The following AGAP1 variants were observed in gnomAD, a reference collection of about 807,000 sequenced individuals.
AGAP1 encodes arf-GAP with GTPase, ANK repeat and PH domain-containing protein 1.
AGAP1 carries 29 observed loss-of-function variants against 105.3 expected under a neutral mutation model. That is an observed-to-expected ratio of 0.28 (90% CI 0.21 to 0.38). AGAP1 has a LOEUF of 0.38. Ranked by LOEUF, AGAP1 falls within the 10% of genes least tolerant of loss-of-function variation. The probability of loss-of-function intolerance (pLI) is 1.00; values close to 1 mark genes in which losing one functional copy is unlikely to be tolerated. For missense variants in AGAP1, 998 were observed against 1,165.1 expected (o/e 0.86, Z 2.09); for synonymous variants, 509 against 485.9 (o/e 1.05, Z -0.63).
chr2:236,063,632 C>T (rs952588967), intron 16 of AGAP1, among the ~76,000 whole-genome samples: 2 of 152,206 alleles, frequency 1.3e-5, no homozygotes, highest in African/African-American at 4.8e-5. Flanking sequence ...GCTGGCCACC[C>T]AGTGTAGCAG....
intron 1 of AGAP1, among the ~76,000 whole-genome samples, chr2:235,501,781 G>T (rs1396160961): frequency 1.3e-5 from 2 of 151,552 alleles, no homozygotes; most frequent in African/African-American, 2.4e-5. Context: ...CCCCCTCCCC[G>T]CCCCCATCCC....
chr2:236,004,342 T>C (rs1559182380), intron 13 of AGAP1, among the ~76,000 whole-genome samples: 1 of 152,228 alleles, frequency 6.6e-6, no homozygotes, highest in Non-Finnish European at 1.5e-5. Flanking sequence ...TTTAGTGTGC[T>C]GATTAGAAAC....
At chr2:235,768,189 T>G (rs966122208) in intron 6 of AGAP1, among the ~76,000 whole-genome samples, 1 of 152,244 alleles carries the variant, frequency 6.6e-6, no homozygotes, top group Non-Finnish European at 1.5e-5. Flanking sequence ...TTTATTGTTT[T>G]CACCCTTTAT....
chr2:235,538,082 C>G (rs1943299756), intron 1 of AGAP1, among the ~76,000 whole-genome samples: 1 of 152,222 alleles, frequency 6.6e-6, no homozygotes, highest in African/African-American at 2.4e-5. Flanking sequence ...AGCTTATACC[C>G]TGTTCTCCCA....
At chr2:235,955,515 A>T (rs1007179263) in intron 12 of AGAP1, among the ~76,000 whole-genome samples, 6 of 152,216 alleles carry the variant, frequency 3.9e-5, no homozygotes, top group African/African-American at 1.2e-4. Context: ...ACACAGAAGT[A>T]CTGATTTATG....
intron 2 of AGAP1, among the ~76,000 whole-genome samples, chr2:235,710,825 G>A (rs1004649296): frequency 2.6e-5 from 4 of 152,174 alleles, no homozygotes; most frequent in Admixed American, 1.3e-4. Context: ...TGCTGTGATG[G>A]GCACGGAACA....
intron 6 of AGAP1, among the ~76,000 whole-genome samples, chr2:235,791,673 A>G (rs1956985361): frequency 1.3e-5 from 2 of 151,910 alleles, no homozygotes; most frequent in Non-Finnish European, 2.9e-5. Flanking sequence ...TCAGTCTCCC[A>G]AGTAGCTGGG....
At chr2:235,762,441 G>A (rs1019475671) in intron 6 of AGAP1, among the ~76,000 whole-genome samples, 1 of 152,178 alleles carries the variant, frequency 6.6e-6, no homozygotes, top group Non-Finnish European at 1.5e-5. Flanking sequence ...CTGGAATCGG[G>A]TGAGTTTGTG....
chr2:236,020,240 C>T lies in AGAP1; in HGVS notation c.1646-16321C>T, dbSNP rs2056841042. On this transcript the variant is annotated intron_variant, in intron 13 of 17. Transcript: ENST00000304032. This position sits in a 1 kb window ranked among gnomAD's most constrained non-coding sequence, Gnocchi z 5.0. Reference sequence around the variant, plus strand: ...GTGGAACATGGCCCCTGCATTGCTCCTTGCCTAGGACCAGTAAGCCCCAGT... The same window carrying T: ...GTGGAACATGGCCCCTGCATTGCTCTTTGCCTAGGACCAGTAAGCCCCAGT... Among the ~76,000 whole-genome samples, 1 of 152,210 alleles carries T rather than the reference C, an allele frequency of 6.6e-6. No homozygotes were observed. The highest frequency in any genetic ancestry group is 1.5e-5 in the Non-Finnish European group (1 of 68,036).
At position 235,740,708 on chromosome 2, in the gene AGAP1, A is replaced by C. The variant is rs191299362; in HGVS notation, c.311-255A>C. On this transcript the variant is annotated intron_variant, in intron 3 of 17. Coordinates refer to ENST00000304032, the MANE Select transcript of AGAP1 (RefSeq NM_001037131.3). The surrounding 1 kb of genome is among the most constrained non-coding windows in gnomAD (Gnocchi z 5.7). ...AAGCCCACATGAGAAGTCCACACTAATTGGCCACGAGTGTCTGGCATTGCG... is the reference window on the plus strand; with the variant it reads ...AAGCCCACATGAGAAGTCCACACTACTTGGCCACGAGTGTCTGGCATTGCG... 2.5e-3 allele frequency among the ~76,000 whole-genome samples: 388 copies of C among 152,336 alleles called. 3 individuals are homozygous for C. The highest frequency in any genetic ancestry group is 0.02 in the East Asian group (103 of 5,178).
intron 9 of AGAP1, among the ~76,000 whole-genome samples, chr2:235,881,734 T>C (rs10168947): frequency 0.062 from 9,380 of 152,224 alleles, 941 homozygotes; most frequent in African/African-American, 0.21. Context: ...TAGAGCAAGG[T>C]TTGCTGGGAA....
intron 1 of AGAP1, among the ~76,000 whole-genome samples, chr2:235,699,753 G>A (rs1183225301): frequency 1.3e-5 from 2 of 152,224 alleles, no homozygotes; most frequent in African/African-American, 2.4e-5. Context: ...CGGGCTCCAG[G>A]AGAACCAGCA....
intron 1 of AGAP1, among the ~76,000 whole-genome samples, chr2:235,502,765 A>G (rs905861282): frequency 1.3e-5 from 2 of 148,744 alleles, no homozygotes; most frequent in African/African-American, 5.0e-5. Flanking sequence ...GAAGAATTTC[A>G]AATAATGTCC....
chr2:235,626,298 C>T (rs1029522547), intron 1 of AGAP1, among the ~76,000 whole-genome samples: 3 of 152,150 alleles, frequency 2.0e-5, no homozygotes, highest in Admixed American at 1.3e-4. Flanking sequence ...GCAGAGGTTG[C>T]AGTGAGCCAA....
In AGAP1 at chr2:235,750,849, G is replaced by A. The variant is rs1205105306; in HGVS notation, c.673+361G>A. 6.6e-6 allele frequency among the ~76,000 whole-genome samples: 1 copy of A among 152,060 alleles called. No homozygotes were observed. The highest frequency in any genetic ancestry group is 1.5e-5 in the Non-Finnish European group (1 of 68,018). ...ATTGTAATTGCCCATTCTTAATCCA[G>A]TCCCGTCCTTTAAAGCAGTTTAAAT... On this transcript the variant is annotated intron_variant, in intron 6 of 17. Coordinates refer to ENST00000304032, the MANE Select transcript of AGAP1 (RefSeq NM_001037131.3). The surrounding 1 kb of genome is among the most constrained non-coding windows in gnomAD (Gnocchi z 5.3).
chr2:236,095,893 A>T lies in AGAP1; in HGVS notation c.2115-24299A>T, dbSNP rs543054704. 7.0e-6 allele frequency among the ~76,000 whole-genome samples: 1 copy of T among 143,094 alleles called. No homozygotes were observed. The highest frequency in any genetic ancestry group is 2.5e-5 in the African/African-American group (1 of 40,068). 93.9% of individuals were successfully genotyped at this position (143,094 alleles called of 152,430 possible). A position where few individuals can be genotyped will look rare whatever the true frequency, so the allele number is the denominator to read the frequency against. On this transcript the variant is annotated intron_variant, in intron 16 of 17. Coordinates refer to ENST00000304032, the MANE Select transcript of AGAP1 (RefSeq NM_001037131.3). The surrounding 1 kb of genome is among the most constrained non-coding windows in gnomAD (Gnocchi z 4.1). ...TTTTCCTTTTAGGATGTGCCTCTCC[A>T]TAGAGAAGAAGTTCACATTCCTTTT...
At position 235,981,371 on chromosome 2, in the gene AGAP1, G is replaced by A. The variant is rs1436838359; in HGVS notation, c.1645+12748G>A. ...CCCCTTCAGTTGGTTTTCTGCAGAA[G>A]CCATGATATACTGTAGGCATGGTTA... is the stretch of plus-strand genomic sequence containing the variant. On this transcript the variant is annotated intron_variant, in intron 13 of 17. Coordinates refer to ENST00000304032, the MANE Select transcript of AGAP1 (RefSeq NM_001037131.3). This position sits in a 1 kb window ranked among gnomAD's most constrained non-coding sequence, Gnocchi z 5.5. Among the ~76,000 whole-genome samples the A allele has an allele frequency of 1.3e-5, 2 of 152,034 alleles. No individual in the cohort carries two copies. Among genetic ancestry groups the A allele is most frequent in the East Asian group, 3.9e-4 (2 of 5,176 alleles).
Position 235,887,251 on chromosome 2 carries a change from T to C in AGAP1, c.1155+3802T>C, listed in dbSNP as rs1274830770. On this transcript the variant is annotated intron_variant, in intron 10 of 17. Transcript: ENST00000304032. The surrounding 1 kb of genome is among the most constrained non-coding windows in gnomAD (Gnocchi z 4.1). ...CCACATGCAGTGGTGGCATAAGTGG[T>C]CAAGTGTTGGGAAAGCTGCCAGGAT... Among the ~76,000 whole-genome samples the C allele has an allele frequency of 6.6e-6, 1 of 151,982 alleles. No individual in the cohort carries two copies. The highest frequency in any genetic ancestry group is 1.5e-5 in the Non-Finnish European group (1 of 67,996).
intron 13 of AGAP1, among the ~76,000 whole-genome samples, chr2:236,010,191 C>T (rs2056462610): frequency 1.3e-5 from 2 of 151,930 alleles, no homozygotes; most frequent in South Asian, 2.1e-4. Context: ...TTAAGTTCCT[C>T]ATGTCGCAGG....
Sources: allele counts gnomAD v4.1 joint callset (sites outside exome capture counted in the v4.1 genomes callset), GRCh38; gene constraint gnomAD v4.1.1; non-coding constraint Gnocchi (gnomAD v3.1); transcripts MANE v1.5; gene names NCBI Gene and HGNC (gene_info 2026-07-23, HGNC 2026-07-21).